OSBP2: variants seen among roughly 807,000 people sequenced by gnomAD.
The protein encoded by OSBP2 is oxysterol binding protein 2.
A neutral mutation model predicts 96.0 loss-of-function variants in OSBP2; 66 were observed. The observed-to-expected ratio is 0.69, with a 90% CI of 0.56 to 0.84. The LOEUF is 0.84. Among genes scored for constraint, OSBP2 ranks in the 40% least tolerant of loss-of-function variants. OSBP2 has a pLI of 0.00. For missense variants in OSBP2, 1,038 were observed against 1,222.7 expected, an observed-to-expected ratio of 0.85 and a Z score of 2.25; for synonymous variants, 525 against 520.9, an observed-to-expected ratio of 1.01 and a Z score of -0.11.
intron 1 of OSBP2, among the ~76,000 whole-genome samples, chr22:30,696,935 A>G (rs560997544): frequency 4.9e-4 from 75 of 152,262 alleles, no homozygotes; most frequent in African/African-American, 1.7e-3. Flanking sequence ...TTAGGATTAC[A>G]GGCATGAGCC....
intron 1 of OSBP2, among the ~76,000 whole-genome samples, chr22:30,730,799 TATA>T (rs1188586678): frequency 2.5e-4 from 14 of 56,630 alleles, no homozygotes; most frequent in South Asian, 1.6e-3. Flanking sequence ...TATATATATA[TATA>T]TATATAATTT....
intron 1 of OSBP2, among the ~76,000 whole-genome samples, chr22:30,724,429 C>G (rs2089607682): frequency 6.6e-6 from 1 of 152,106 alleles, no homozygotes; most frequent in South Asian, 2.1e-4. Flanking sequence ...CCATGTTGAC[C>G]AGGCTGGTCT....
At chr22:30,807,426 C>G (rs1007573760) in intron 2 of OSBP2, among the ~76,000 whole-genome samples, 6 of 152,210 alleles carry the variant, frequency 3.9e-5, no homozygotes, top group Admixed American at 2.0e-4. Context: ...GTAGACTTGC[C>G]CCTATATGCG....
At chr22:30,812,520 A>G (rs1602300431) in intron 2 of OSBP2, among the ~76,000 whole-genome samples, 1 of 152,102 alleles carries the variant, frequency 6.6e-6, no homozygotes, top group East Asian at 1.9e-4. Context: ...GTATTTAATC[A>G]TTTTCCTCTT....
intron 2 of OSBP2, among the ~76,000 whole-genome samples, chr22:30,767,946 G>A (rs955908053): frequency 9.9e-5 from 15 of 152,198 alleles, no homozygotes; most frequent in African/African-American, 3.6e-4. Flanking sequence ...ATTAGGAGAA[G>A]AAGGAGCCAC....
At chr22:30,874,619 C>T (rs983305424) in intron 3 of OSBP2, among the ~76,000 whole-genome samples, 8 of 152,176 alleles carry the variant, frequency 5.3e-5, no homozygotes, top group Non-Finnish European at 8.8e-5. Context: ...CCTCGCAGGG[C>T]GCTGCAGCCA....
At chr22:30,847,272 C>T (rs1317378779) in intron 2 of OSBP2, among the ~76,000 whole-genome samples, 4 of 151,702 alleles carry the variant, frequency 2.6e-5, no homozygotes, top group Non-Finnish European at 5.9e-5. Context: ...GGCACCTGCA[C>T]CCAGGCTCAT....
intron 2 of OSBP2, among the ~76,000 whole-genome samples, chr22:30,827,072 A>T (rs1221301908): frequency 6.6e-6 from 1 of 152,088 alleles, no homozygotes; most frequent in Non-Finnish European, 1.5e-5. Context: ...CCAGCTGTGT[A>T]TTGGAGGATG....
intron 2 of OSBP2, among the ~76,000 whole-genome samples, chr22:30,743,600 C>G (rs5997754): frequency 0.038 from 5,784 of 152,238 alleles, 184 homozygotes; most frequent in African/African-American, 0.081. Flanking sequence ...GCTGGCACAG[C>G]TGGGCTCAGG....
intron 2 of OSBP2, among the ~76,000 whole-genome samples, chr22:30,862,822 A>C (rs1569155199): frequency 6.6e-6 from 1 of 151,032 alleles, no homozygotes; most frequent in Non-Finnish European, 1.5e-5. Flanking sequence ...AAATACAAAA[A>C]GTTAGCCAGG....
intron 2 of OSBP2, among the ~76,000 whole-genome samples, chr22:30,782,870 A>G (rs1177701324): frequency 3.3e-5 from 5 of 152,186 alleles, no homozygotes; most frequent in Non-Finnish European, 7.3e-5. Flanking sequence ...ACCATTTGAC[A>G]TTCCCATAAG....
intron 12 of OSBP2, among the ~76,000 whole-genome samples, chr22:30,894,733 CTA>C (rs1471791422): frequency 6.6e-6 from 1 of 152,210 alleles, no homozygotes; most frequent in African/African-American, 2.4e-5. Context: ...CAGAGAGAAA[CTA>C]TTAAGCAGCC....
intron 2 of OSBP2, among the ~76,000 whole-genome samples, chr22:30,823,376 G>A (rs941065814): frequency 1.1e-4 from 16 of 152,230 alleles, no homozygotes; most frequent in Admixed American, 2.6e-4. Context: ...GAAATTTTGC[G>A]TGAGTGAAAT....
intron 1 of OSBP2, among the ~76,000 whole-genome samples, chr22:30,709,621 TTC>T (rs1389056029): frequency 2.6e-5 from 4 of 152,078 alleles, no homozygotes; most frequent in African/African-American, 9.7e-5. Flanking sequence ...ATTCAACCAG[TTC>T]TCCTGCCTCA....
intron 2 of OSBP2, among the ~76,000 whole-genome samples, chr22:30,840,371 AC>A (rs1188903046): frequency 5.3e-5 from 8 of 152,058 alleles, no homozygotes; most frequent in Non-Finnish European, 1.2e-4. Context: ...TACACCTTAC[AC>A]CCTCAAGGTT....
intron 12 of OSBP2, among the ~76,000 whole-genome samples, chr22:30,900,775 G>C (rs2040176759): frequency 6.6e-6 from 1 of 152,134 alleles, no homozygotes; most frequent in African/African-American, 2.4e-5. Context: ...TGGCCTTACA[G>C]TAATATTGTT....
At chr22:30,862,356 T>A (rs1490738123) in intron 2 of OSBP2, among the ~76,000 whole-genome samples, 1 of 152,052 alleles carries the variant, frequency 6.6e-6, no homozygotes, top group Admixed American at 6.5e-5. Context: ...TCCAGGGCCA[T>A]GGGGGTGGCA....
chr22:30,783,180 G>C (rs1021078204), intron 2 of OSBP2, among the ~76,000 whole-genome samples: 2 of 150,456 alleles, frequency 1.3e-5, no homozygotes, highest in Non-Finnish European at 2.9e-5. Flanking sequence ...TTGGTATCTC[G>C]GGGAATTTAG....
chr22:30,785,309 C>T (rs1046159742), intron 2 of OSBP2, among the ~76,000 whole-genome samples: 6 of 152,124 alleles, frequency 3.9e-5, no homozygotes, highest in Non-Finnish European at 8.8e-5. Flanking sequence ...TGGCTTATGC[C>T]TGTAATCCCA....
Sources: allele counts gnomAD v4.1 joint callset (sites outside exome capture counted in the v4.1 genomes callset), GRCh38; gene constraint gnomAD v4.1.1; transcripts MANE v1.5; gene names NCBI Gene and HGNC (gene_info 2026-07-23, HGNC 2026-07-21).